Variants in ACTR3C observed in about 807,000 individuals in gnomAD.
ACTR3C encodes the protein actin related protein 3C.
In ACTR3C, 18 loss-of-function variants were observed where a neutral mutation model predicts 26.3. The observed-to-expected ratio is 0.68, with a 90% CI of 0.47 to 1.01. The LOEUF is 1.01. Among genes scored for constraint, ACTR3C ranks in the 50% least tolerant of loss-of-function variants. The probability of loss-of-function intolerance (pLI) is 0.00; values close to 1 mark genes in which losing one functional copy is unlikely to be tolerated. For synonymous variants in ACTR3C, 55 were observed against 94.5 expected, an observed-to-expected ratio of 0.58 and a Z score of 2.42; for missense variants, 184 against 250.7, an observed-to-expected ratio of 0.73 and a Z score of 1.80.
the ACTR3C span, among the ~76,000 whole-genome samples, chr7:150,112,169 T>G: frequency 6.6e-6 from 1 of 150,920 alleles, no homozygotes; most frequent in Non-Finnish European, 1.5e-5. Flanking sequence ...CACCCCTTTC[T>G]CCGGGCCCCG....
At chr7:149,883,944 G>A in the ACTR3C span, among the ~76,000 whole-genome samples, 1 of 149,704 alleles carries the variant, frequency 6.7e-6, no homozygotes, top group Non-Finnish European at 1.5e-5. Context: ...ATCCCTGAGA[G>A]ATCTAGCACA....
At chr7:150,143,378 TGTC>T in the ACTR3C span, among the ~76,000 whole-genome samples, 1 of 152,142 alleles carries the variant, frequency 6.6e-6, no homozygotes, top group African/African-American at 2.4e-5. Context: ...ATCCCCCTAT[TGTC>T]GTGGGGGAAT....
chr7:150,177,643 C>T, the ACTR3C span, among the ~76,000 whole-genome samples: 3 of 150,826 alleles, frequency 2.0e-5, 1 homozygote, highest in African/African-American at 7.5e-5. Context: ...AAGCTTCTCA[C>T]TTATTATTCA....
chr7:149,957,105 A>G, the ACTR3C span, among the ~76,000 whole-genome samples: 4 of 152,230 alleles, frequency 2.6e-5, no homozygotes, highest in Admixed American at 6.5e-5. Context: ...CAGCATGAAT[A>G]GCGCATGGAA....
At chr7:150,139,305 C>T in the ACTR3C span, among the ~76,000 whole-genome samples, 2 of 152,200 alleles carry the variant, frequency 1.3e-5, no homozygotes, top group African/African-American at 4.8e-5. Flanking sequence ...ACGATCTGTG[C>T]CTCTGCCCAC....
chr7:150,250,267 G>A (rs1162365365), intron 6 of ACTR3C, among the ~76,000 whole-genome samples: 2 of 147,078 alleles, frequency 1.4e-5, no homozygotes, highest in South Asian at 2.1e-4. Flanking sequence ...GCAGTGGCGC[G>A]ATCTCGGCTC....
chr7:149,938,696 T>A, the ACTR3C span, among the ~76,000 whole-genome samples: 1 of 152,076 alleles, frequency 6.6e-6, no homozygotes, highest in Non-Finnish European at 1.5e-5. Flanking sequence ...ATCTGAAAGC[T>A]CTAGGTCTCT....
At chr7:150,224,790 A>G in the ACTR3C span, among the ~76,000 whole-genome samples, 1 of 152,196 alleles carries the variant, frequency 6.6e-6, no homozygotes, top group African/African-American at 2.4e-5. Flanking sequence ...GAGCGTTTGC[A>G]TACATTTTTA....
the ACTR3C span, among the ~76,000 whole-genome samples, chr7:150,143,655 T>C: frequency 6.6e-6 from 1 of 152,142 alleles, no homozygotes; most frequent in Non-Finnish European, 1.5e-5. Context: ...GGCAAAACCG[T>C]GAGTGGAAAT....
chr7:149,986,098 G>A, the ACTR3C span, among the ~76,000 whole-genome samples: 8 of 151,610 alleles, frequency 5.3e-5, no homozygotes, highest in East Asian at 1.9e-4. Flanking sequence ...CTTGTCCTGG[G>A]CCATGGTCTG....
chr7:150,158,989 G>T, the ACTR3C span, among the ~76,000 whole-genome samples: 1 of 149,250 alleles, frequency 6.7e-6, no homozygotes, highest in East Asian at 2.0e-4. Flanking sequence ...ACGCACACAC[G>T]CACACTCAGG....
chr7:149,897,830 A>T, the ACTR3C span, among the ~76,000 whole-genome samples: 1 of 152,156 alleles, frequency 6.6e-6, no homozygotes, highest in Non-Finnish European at 1.5e-5. Context: ...GTGAGCTGAG[A>T]TCATGCCACT....
the ACTR3C span, among the ~76,000 whole-genome samples, chr7:149,894,657 C>T: frequency 8.5e-5 from 13 of 152,226 alleles, no homozygotes; most frequent in East Asian, 3.9e-4. Context: ...CACTAATCAT[C>T]GGGGAAATGC....
the ACTR3C span, among the ~76,000 whole-genome samples, chr7:150,085,609 G>A: frequency 5.3e-5 from 8 of 152,204 alleles, no homozygotes; most frequent in Admixed American, 2.0e-4. Context: ...ATTAAAGCAA[G>A]TATGTCAATG....
At chr7:150,319,776 A>C (rs1289771359) in intron 1 of ACTR3C, among the ~76,000 whole-genome samples, 2 of 152,178 alleles carry the variant, frequency 1.3e-5, no homozygotes, top group African/African-American at 4.8e-5. Context: ...GTTAGCAGCT[A>C]ATGTAGCTAC....
the ACTR3C span, among the ~76,000 whole-genome samples, chr7:150,033,865 T>C: frequency 7.5e-6 from 1 of 133,400 alleles, no homozygotes; most frequent in Non-Finnish European, 1.6e-5. Flanking sequence ...GCGATGGGGA[T>C]CCTAAGAGCA....
At chr7:150,319,871 T>C (rs1467582115) in intron 1 of ACTR3C, among the ~76,000 whole-genome samples, 3 of 152,194 alleles carry the variant, frequency 2.0e-5, no homozygotes, top group Admixed American at 6.5e-5. Context: ...GTCCTATTTA[T>C]CCTTTGTAAA....
At chr7:150,180,614 G>T in the ACTR3C span, among the ~76,000 whole-genome samples, 2 of 146,452 alleles carry the variant, frequency 1.4e-5, no homozygotes, top group Non-Finnish European at 3.0e-5. Context: ...CCGGGTTCAC[G>T]CCATTCTCCC....
At chr7:150,039,725 C>G in the ACTR3C span, among the ~76,000 whole-genome samples, 1 of 141,320 alleles carries the variant, frequency 7.1e-6, no homozygotes, top group Non-Finnish European at 1.6e-5. Flanking sequence ...GCTCTCAGTC[C>G]CCACCCTCGC....
Sources: allele counts gnomAD v4.1 joint callset (sites outside exome capture counted in the v4.1 genomes callset), GRCh38; gene constraint gnomAD v4.1.1; transcripts MANE v1.5; gene names NCBI Gene and HGNC (gene_info 2026-07-23, HGNC 2026-07-21).